The following URB1 variants were observed in gnomAD, a reference collection of about 807,000 sequenced individuals.
URB1 encodes the protein nucleolar pre-ribosomal-associated protein 1.
Under a neutral mutation model 242.3 loss-of-function variants are expected in URB1, and 197 were observed. That is an observed-to-expected ratio of 0.81 (90% CI 0.72 to 0.91). URB1 has a LOEUF of 0.91. Ranked by LOEUF, URB1 falls within the 40% of genes least tolerant of loss-of-function variation. The pLI is 0.00. For synonymous variants in URB1, 1,153 were observed against 1,201.8 expected, an observed-to-expected ratio of 0.96 and a Z score of 0.84; for missense variants, 2,721 against 2,860.5, an observed-to-expected ratio of 0.95 and a Z score of 1.11.
intron 8 of URB1, among the ~76,000 whole-genome samples, chr21:32,371,496 T>C (rs2033405469): frequency 1.3e-5 from 2 of 152,194 alleles, no homozygotes; most frequent in Admixed American, 1.3e-4. Flanking sequence ...GAGCTCATTC[T>C]TACTGATGAA....
chr21:32,346,741 C>T (rs1159889694), intron 22 of URB1, among the ~76,000 whole-genome samples: 2 of 152,184 alleles, frequency 1.3e-5, no homozygotes, highest in African/African-American at 2.4e-5. Context: ...GCACAATGGG[C>T]TGTGCCTCAA....
intron 11 of URB1, among the ~76,000 whole-genome samples, chr21:32,362,499 C>T (rs1183225330): frequency 1.3e-5 from 2 of 152,160 alleles, no homozygotes; most frequent in East Asian, 1.9e-4. Flanking sequence ...TGAGCCACCG[C>T]GCCCAACCAT....
intron 12 of URB1, 72 bp from the exon 13 acceptor site, chr21:32,361,195 G>GAAAGAAAGAAAGAAAA: frequency 1.1e-6 from 1 of 904,016 alleles, no homozygotes; most frequent in Non-Finnish European, 1.6e-6. Context: ...AAGAAAGAAA[G>GAAAGAAAGAAAGAAAA]AAAGAAAGAA....
intron 18 of URB1, 69 bp downstream of exon 18, chr21:32,353,864 T>C: frequency 6.8e-7 from 1 of 1,473,654 alleles, no homozygotes. Flanking sequence ...GCCCCTGGAA[T>C]CCCACCTCCC....
chr21:32,380,681 T>G (rs750948146), intron 4 of URB1, among the ~76,000 whole-genome samples: 4 of 105,070 alleles, frequency 3.8e-5, no homozygotes, highest in Non-Finnish European at 8.5e-5. Context: ...ACCATCTAAT[T>G]CAAGCAGTTA....
At chr21:32,350,624 G>A in intron 20 of URB1, 80 bp downstream of exon 20, 1 of 1,468,362 alleles carries the variant, frequency 6.8e-7, no homozygotes, top group Non-Finnish European at 9.2e-7. Context: ...AGTGTGCTGG[G>A]CTGTGGGCCC....
At chr21:32,318,986 C>CG (rs2032727633) in intron 36 of URB1, among the ~76,000 whole-genome samples, 1 of 152,038 alleles carries the variant, frequency 6.6e-6, no homozygotes, top group African/African-American at 2.4e-5. Context: ...GTTAAGTTCT[C>CG]GGGGTCTTGA....
rs2033310150 is a variant in URB1 at position 32,363,324 on chromosome 21, G to A, written c.1341C>T (p.Asp447=). The A allele has an allele frequency of 1.3e-6, 2 of 1,551,026 alleles. No individual in the cohort carries two copies. Among genetic ancestry groups the A allele is most frequent in the Non-Finnish European group, 1.7e-6 (2 of 1,146,992 alleles). ...KSMFTQALNL[D]STSVRHTALS... ...AGGCTGTGTGCCTCACTGAGGTGCT[G>A]TCCAACTGGGAAGAAAAAGAGTTAA... Residue 447 remains aspartate (D), a synonymous_variant, in exon 11 of 39, where the codon GAC becomes GAT. Transcript: ENST00000382751.
intron 35 of URB1, among the ~76,000 whole-genome samples, chr21:32,319,619 A>G (rs150341313): frequency 1.3e-5 from 2 of 152,186 alleles, no homozygotes; most frequent in African/African-American, 4.8e-5. Flanking sequence ...TCCCTCCAAA[A>G]ATTCAGGAGC....
intron 6 of URB1, among the ~76,000 whole-genome samples, chr21:32,375,046 C>T (rs997083069): frequency 1.4e-4 from 21 of 152,210 alleles, no homozygotes; most frequent in Middle Eastern, 3.4e-3. Flanking sequence ...GAACATGACA[C>T]AGAACAACAT....
chr21:32,314,345 T>C lies in URB1; in HGVS notation c.*573A>G. The C allele has an allele frequency of 2.1e-6, 1 of 481,082 alleles. No individual in the cohort carries two copies. Among genetic ancestry groups the C allele is most frequent in the South Asian group, 2.0e-5 (1 of 50,526 alleles). The allele number at this position is 481,082 out of a possible 1,614,324, so 29.8% of individuals were successfully genotyped here. A position where few individuals can be genotyped will look rare whatever the true frequency, so the allele number is the denominator to read the frequency against. On this transcript the variant is annotated 3_prime_UTR_variant, in exon 39 of 39. Coordinates refer to ENST00000382751, the MANE Select transcript of URB1 (RefSeq NM_014825.3). ...AATTACAGGTGTGCGCTACCATGCCTGGCTAATTTTTGTATTTTTAGTAGA... is the reference window on the plus strand; with the variant it reads ...AATTACAGGTGTGCGCTACCATGCCCGGCTAATTTTTGTATTTTTAGTAGA...
rs577921068 is a variant in URB1 at position 32,315,993 on chromosome 21, G to T, written c.6634+473C>A. Among the ~76,000 whole-genome samples the T allele has an allele frequency of 2.1e-4, 32 of 152,358 alleles. No individual in the cohort carries two copies. The South Asian group carries it at 6.2e-3, about 30-fold the overall frequency. ...TCATTCACACTGCTAGGCTCCTAGT[G>T]ACTGCCAAGTACATAAACTGTTCAT... On this transcript the variant is annotated intron_variant, in intron 38 of 38. Transcript: ENST00000382751.
At chr21:32,343,951 G>GC (rs1044520660) in intron 24 of URB1, among the ~76,000 whole-genome samples, 2 of 151,778 alleles carry the variant, frequency 1.3e-5, no homozygotes, top group Non-Finnish European at 2.9e-5. Context: ...GGCAAGAAAG[G>GC]CAAGTTTCTT....
intron 6 of URB1, among the ~76,000 whole-genome samples, chr21:32,374,179 C>A (rs866116891): frequency 3.7e-4 from 56 of 152,184 alleles, no homozygotes; most frequent in African/African-American, 1.2e-3. Flanking sequence ...TCTAACCATT[C>A]CCCTGGTGTT....
In URB1 at chr21:32,311,048, TCA is replaced by T. The variant is rs2032552036; in HGVS notation, c.*3868_*3869del. 6 of 152,418 alleles carry T rather than the reference TCA, an allele frequency of 3.9e-5. No individual in the cohort carries two copies. Among genetic ancestry groups the T allele is most frequent in the Admixed American group, 3.9e-4 (6 of 15,298 alleles). 9.4% of individuals were successfully genotyped at this position (152,418 alleles called of 1,614,324 possible). Reference sequence around the variant, plus strand: ...TATAAAGGAAAGAGGTTTAATGGACTCACAGTTTCACATGGCGGGGGAGGCTT... The same window carrying T: ...TATAAAGGAAAGAGGTTTAATGGACTCAGTTTCACATGGCGGGGGAGGCTT... On this transcript the variant is annotated 3_prime_UTR_variant, in exon 39 of 39. Coordinates refer to ENST00000382751, the MANE Select transcript of URB1 (RefSeq NM_014825.3).
intron 7 of URB1, among the ~76,000 whole-genome samples, chr21:32,373,254 C>T (rs1220190303): frequency 6.6e-6 from 1 of 152,014 alleles, no homozygotes; most frequent in African/African-American, 2.4e-5. Context: ...AACAAACAAA[C>T]AAAAAACACA....
intron 30 of URB1, among the ~76,000 whole-genome samples, chr21:32,326,085 C>T (rs1214830195): frequency 2.6e-5 from 4 of 152,158 alleles, no homozygotes; most frequent in Non-Finnish European, 4.4e-5. Flanking sequence ...GAAGGTCAGA[C>T]ACATGAGGGG....
At chr21:32,357,178 G>A (rs1338269325) in intron 15 of URB1, among the ~76,000 whole-genome samples, 1 of 152,138 alleles carries the variant, frequency 6.6e-6, no homozygotes, top group Non-Finnish European at 1.5e-5. Flanking sequence ...TGTGCTGTGG[G>A]TGATGGATTC....
rs1601156440 is a variant in URB1 at position 32,378,435 on chromosome 21, G to A, written c.664+10C>T. The A allele has an allele frequency of 3.2e-6, 5 of 1,549,584 alleles. No individual in the cohort carries two copies. Among genetic ancestry groups the A allele is most frequent in the Non-Finnish European group, 2.6e-6 (3 of 1,145,100 alleles). ...ATGGGCTTTCCTAACGGACAAGGGA[G>A]TACACCTACCTTTCACTTCCAACAC... On this transcript the variant is annotated intron_variant, in intron 5 of 38. Coordinates refer to ENST00000382751, the MANE Select transcript of URB1 (RefSeq NM_014825.3).
Sources: allele counts gnomAD v4.1 joint callset (sites outside exome capture counted in the v4.1 genomes callset), GRCh38; gene constraint gnomAD v4.1.1; transcripts MANE v1.5; gene names NCBI Gene and HGNC (gene_info 2026-07-23, HGNC 2026-07-21).